PIN4: variants seen among roughly 807,000 people sequenced by gnomAD.
PIN4 encodes the protein peptidyl-prolyl cis-trans isomerase NIMA-interacting 4.
Under a neutral mutation model 8.3 loss-of-function variants are expected in PIN4, and 3 were observed. The ratio of observed to expected loss-of-function variants is 0.36; its 90% CI spans 0.16 to 0.93. The LOEUF (loss-of-function observed/expected upper bound fraction) is 0.93. Ranked by LOEUF, PIN4 falls within the 40% of genes least tolerant of loss-of-function variation. The pLI is 0.44. For missense variants in PIN4, 75 were observed against 100.6 expected (o/e 0.75, Z 1.09); for synonymous variants, 18 against 32.5 (o/e 0.55, Z 1.52).
At chrX:72,226,901 C>G (rs1211535974) in intron 3 of PIN4, among the ~76,000 whole-genome samples, 1 of 111,642 alleles carries the variant, frequency 9.0e-6, no homozygotes, top group Non-Finnish European at 1.9e-5. Flanking sequence ...ACTAGCCATT[C>G]CCCTTGACAA....
chrX:72,222,596 T>TC (rs201967300), intron 3 of PIN4, among the ~76,000 whole-genome samples: 2 of 36,321 alleles, frequency 5.5e-5, no homozygotes, highest in African/African-American at 1.2e-3. Flanking sequence ...GAATCCAGCC[T>TC]TTTTTTTTTT....
At chrX:72,188,314 C>T (rs1341446909) in intron 2 of PIN4, among the ~76,000 whole-genome samples, 1 of 112,308 alleles carries the variant, frequency 8.9e-6, no homozygotes, top group Non-Finnish European at 1.9e-5. Context: ...TCACAAGCAT[C>T]TAACCTAAGA....
chrX:72,234,531 TAAAGG>T (rs960192580), intron 3 of PIN4, among the ~76,000 whole-genome samples: 8 of 111,375 alleles, frequency 7.2e-5, no homozygotes, highest in Admixed American at 6.7e-4. Context: ...AATTTTGCTG[TAAAGG>T]AAAGAGAAGA....
chrX:72,206,431 T>C, intron 3 of PIN4: 1 of 1,210,810 alleles, frequency 8.3e-7, no homozygotes, highest in Non-Finnish European at 1.1e-6. Flanking sequence ...TTTGGGCAGA[T>C]CATCAATGAC....
At chrX:72,214,012 A>G (rs1246888279) in intron 3 of PIN4, among the ~76,000 whole-genome samples, 1 of 112,584 alleles carries the variant, frequency 8.9e-6, no homozygotes, top group Non-Finnish European at 1.9e-5. Context: ...ATGTAGATGC[A>G]TTAGACACAA....
intron 2 of PIN4, among the ~76,000 whole-genome samples, chrX:72,187,664 G>A (rs1052939981): frequency 3.6e-5 from 4 of 111,449 alleles, no homozygotes; most frequent in African/African-American, 9.8e-5. Context: ...TCAGCCAGAC[G>A]TGGTGGTGCA....
chrX:72,194,029 A>T (rs750687619), intron 2 of PIN4, among the ~76,000 whole-genome samples: 2 of 112,472 alleles, frequency 1.8e-5, no homozygotes, highest in Admixed American at 1.9e-4. Flanking sequence ...AAAAGATATA[A>T]TAACCTAAGG....
chrX:72,247,322 G>T (rs917910387), intron 3 of PIN4, among the ~76,000 whole-genome samples: 1 of 112,224 alleles, frequency 8.9e-6, no homozygotes, highest in African/African-American at 3.2e-5. Flanking sequence ...AGCCACCCAT[G>T]CTTGGCTGTG....
chrX:72,229,921 G>A lies in PIN4; in HGVS notation c.313-32786G>A, dbSNP rs375562047. Among the ~76,000 whole-genome samples, 22 of 111,731 alleles carry A rather than the reference G, an allele frequency of 2.0e-4. No individual in the cohort carries two copies. In the East Asian group the frequency reaches 4.2e-3, roughly 21 times the overall value. ...AAAGTCCAAGACCTTGGCCAGGCAC[G>A]GTGGCTCACGCCTGTAATCCCAGCA... On this transcript the variant is annotated intron_variant, in intron 3 of 3. Transcript: ENST00000423432.
At chrX:72,223,238 G>A (rs1321343279) in intron 3 of PIN4, among the ~76,000 whole-genome samples, 2 of 101,291 alleles carry the variant, frequency 2.0e-5, no homozygotes, top group Non-Finnish European at 4.0e-5. Flanking sequence ...TACTTGGGAG[G>A]CTGAAGCAGG....
At chrX:72,193,641 T>C (rs5958775) in intron 2 of PIN4, among the ~76,000 whole-genome samples, 47,446 of 110,502 alleles carry the variant, frequency 0.43, 9,182 homozygotes, top group East Asian at 0.98. Flanking sequence ...GAGGTTGAGG[T>C]AGGCAGATCA....
intron 3 of PIN4, among the ~76,000 whole-genome samples, chrX:72,244,994 GC>G (rs1197591707): frequency 1.1e-5 from 1 of 91,938 alleles, no homozygotes; most frequent in Non-Finnish European, 2.1e-5. Context: ...AATCTTTTGA[GC>G]CCAGGAGTTC....
Position 72,197,552 on chromosome X carries a change from T to G in PIN4, c.*26T>G. Reference sequence around the variant, plus strand: ...AATCATATGAAAGACTGAATAAGTTTTATACATTTTGTTTCTTTAAAAGGT... The same window carrying G: ...AATCATATGAAAGACTGAATAAGTTGTATACATTTTGTTTCTTTAAAAGGT... On this transcript the variant is annotated 3_prime_UTR_variant, in exon 4 of 4. Transcript: ENST00000373669. 8.5e-7 allele frequency: 1 copy of G among 1,172,324 alleles called. No homozygotes were observed. The highest frequency in any genetic ancestry group is 3.0e-5 in the East Asian group (1 of 33,494).
At chrX:72,239,758 C>T (rs757986896) in intron 3 of PIN4, among the ~76,000 whole-genome samples, 241 of 62,165 alleles carry the variant, frequency 3.9e-3, no homozygotes, top group Non-Finnish European at 5.0e-3. Context: ...GGTGGCAAAG[C>T]GAGACTCCAT....
Position 72,186,518 on chromosome X carries a change from G to C in PIN4, c.101G>C (p.Gly34Ala), listed in dbSNP as rs2147567063. The part of the protein sequence containing the change: ...ADKKAQGPKG[G>A]GNAVKVRHIL... Reference sequence around the variant, plus strand: ...AAGAAGGCTCAAGGTCCCAAAGGTGGTGGCAATGCAGTAAAGGTGAGTTAC... The same window carrying C: ...AAGAAGGCTCAAGGTCCCAAAGGTGCTGGCAATGCAGTAAAGGTGAGTTAC... The change falls in exon 2 of 4, where the codon GGT becomes GCT. Residue 34 changes from glycine (G) to alanine (A), a missense_variant. Physicochemically the swap from Gly to Ala is moderately conservative, Grantham distance 60. Coordinates refer to ENST00000373669, the MANE Select transcript of PIN4 (RefSeq NM_006223.4). The C allele has an allele frequency of 1.7e-6, 2 of 1,191,962 alleles. No homozygotes were observed. The highest frequency in any genetic ancestry group is 5.9e-5 in the East Asian group (2 of 33,758).
chrX:72,222,658 C>T (rs1041090562), intron 3 of PIN4, among the ~76,000 whole-genome samples: 1 of 103,480 alleles, frequency 9.7e-6, no homozygotes, highest in Non-Finnish European at 2.0e-5. Flanking sequence ...AACGCAGTAG[C>T]GCGATCTCAG....
chrX:72,241,009 G>A (rs965527024), intron 3 of PIN4, among the ~76,000 whole-genome samples: 31 of 111,104 alleles, frequency 2.8e-4, no homozygotes, highest in African/African-American at 9.8e-4. Flanking sequence ...TCAATACTAG[G>A]TCCATATGGA....
intron 3 of PIN4, chrX:72,237,869 C>A (rs1285908889): frequency 8.9e-6 from 1 of 111,933 alleles, no homozygotes; most frequent in African/African-American, 3.2e-5. Flanking sequence ...GGCAGGAGGA[C>A]TGCTTGAGCC....
intron 3 of PIN4, among the ~76,000 whole-genome samples, chrX:72,218,224 C>T (rs772778089): frequency 2.4e-4 from 25 of 104,386 alleles, no homozygotes; most frequent in Non-Finnish European, 4.1e-4. Flanking sequence ...GAGTCAAGAT[C>T]GCACCACTGC....
Sources: gnomAD v4.1 joint callset for allele counts (sites outside exome capture counted in the v4.1 genomes callset) on GRCh38, gnomAD v4.1.1 for gene constraint, MANE v1.5 for transcripts, NCBI Gene and HGNC (gene_info 2026-07-23, HGNC 2026-07-21) for gene names.